The following DLG2 variants were observed in gnomAD, a reference collection of about 807,000 sequenced individuals.
DLG2 encodes disks large homolog 2.
Under a neutral mutation model 132.5 loss-of-function variants are expected in DLG2, and 45 were observed. That is an observed-to-expected ratio of 0.34 (90% confidence interval 0.27 to 0.44). The LOEUF (loss-of-function observed/expected upper bound fraction) is 0.44, where lower values mean the gene tolerates loss of function less well. DLG2 is among the 20% of genes least tolerant of loss of function. DLG2 has a pLI of 1.00. For synonymous variants in DLG2, 424 were observed against 419.6 expected (o/e 1.01, Z -0.13); for missense variants, 1,045 against 1,196.9 (o/e 0.87, Z 1.87).
At chr11:83,484,254 A>G (rs760264099) in intron 21 of DLG2, 26 bp from the exon 22 acceptor site, 5 of 1,526,984 alleles carry the variant, frequency 3.3e-6, no homozygotes, top group Non-Finnish European at 4.5e-6. Flanking sequence ...GGCATGGGGC[A>G]AAAACAGGGG....
intron 10 of DLG2, among the ~76,000 whole-genome samples, chr11:84,081,768 G>A (rs1019114049): frequency 4.6e-5 from 7 of 152,132 alleles, no homozygotes; most frequent in African/African-American, 1.4e-4. Context: ...GAATAGTGCC[G>A]CAATAAACAT....
At chr11:84,871,744 G>C (rs151028176) in intron 6 of DLG2, among the ~76,000 whole-genome samples, 2,162 of 149,880 alleles carry the variant, frequency 0.014, 28 homozygotes, top group Non-Finnish European at 0.023. Context: ...TATTTAATGA[G>C]ACAGAGTCTC....
At chr11:85,027,208 A>G (rs2060610213) in intron 6 of DLG2, among the ~76,000 whole-genome samples, 1 of 122,294 alleles carries the variant, frequency 8.2e-6, no homozygotes, top group African/African-American at 3.2e-5. Flanking sequence ...TTTTTGCTGA[A>G]AGTGCATTTA....
chr11:83,964,190 A>G (rs1172864599), intron 13 of DLG2, among the ~76,000 whole-genome samples: 1 of 151,920 alleles, frequency 6.6e-6, no homozygotes, highest in Non-Finnish European at 1.5e-5. Flanking sequence ...TGTCTTTGAC[A>G]TTGACCTTAT....
At chr11:83,962,168 C>T (rs936883940) in intron 14 of DLG2, among the ~76,000 whole-genome samples, 1 of 151,964 alleles carries the variant, frequency 6.6e-6, no homozygotes, top group African/African-American at 2.4e-5. Context: ...AAATTAAGCA[C>T]ACATATGTAT....
chr11:84,169,449 C>A (rs1246883735), intron 8 of DLG2, among the ~76,000 whole-genome samples: 1 of 152,172 alleles, frequency 6.6e-6, no homozygotes, highest in Non-Finnish European at 1.5e-5. Context: ...ACAAACTTGT[C>A]TTTTTCTATA....
chr11:85,412,760 C>CATATAT (rs200280952), intron 3 of DLG2, among the ~76,000 whole-genome samples: 18 of 113,268 alleles, frequency 1.6e-4, no homozygotes, highest in Middle Eastern at 4.5e-3. Flanking sequence ...CACACACACA[C>CATATAT]ATATATATAT....
At chr11:84,721,125 C>T (rs989724118) in intron 6 of DLG2, among the ~76,000 whole-genome samples, 2 of 152,120 alleles carry the variant, frequency 1.3e-5, no homozygotes, top group Admixed American at 6.5e-5. Context: ...GGTAGAAGAC[C>T]TCCGAGGCCG....
At chr11:84,767,074 T>C (rs536523631) in intron 6 of DLG2, among the ~76,000 whole-genome samples, 1 of 152,176 alleles carries the variant, frequency 6.6e-6, no homozygotes, top group African/African-American at 2.4e-5. Context: ...AGTCTCAGTT[T>C]TCTTATCTTT....
At chr11:85,546,304 G>A (rs1363556434) in intron 3 of DLG2, among the ~76,000 whole-genome samples, 3 of 152,168 alleles carry the variant, frequency 2.0e-5, no homozygotes, top group African/African-American at 7.2e-5. Flanking sequence ...TGTGATTTTT[G>A]AGTGAGTTTC....
chr11:85,626,242 G>A (rs1237909051), intron 2 of DLG2, among the ~76,000 whole-genome samples: 1 of 152,206 alleles, frequency 6.6e-6, no homozygotes, highest in Non-Finnish European at 1.5e-5. Context: ...CCATGAGGAA[G>A]AGCTCCACTG....
chr11:83,927,709 T>A (rs2079241041), intron 15 of DLG2, among the ~76,000 whole-genome samples: 1 of 152,120 alleles, frequency 6.6e-6, no homozygotes, highest in Non-Finnish European at 1.5e-5. Flanking sequence ...TACAGATCAC[T>A]TTGGTTGCAC....
At chr11:84,675,937 C>T (rs1429737889) in intron 6 of DLG2, among the ~76,000 whole-genome samples, 3 of 152,018 alleles carry the variant, frequency 2.0e-5, no homozygotes, top group African/African-American at 7.2e-5. Context: ...TGTGCCTCCT[C>T]TGGGTACCCA....
In DLG2 at chr11:84,784,143, C is replaced by CAAAAAAAAAAAAAAAAAAAA. The variant is rs59301159; in HGVS notation, c.358-249432_358-249413dup. 2.3e-4 allele frequency among the ~76,000 whole-genome samples: 2 copies of CAAAAAAAAAAAAAAAAAAAA among 8,656 alleles called. 1 individual carries two copies. The highest frequency in any genetic ancestry group is 3.8e-4 in the Non-Finnish European group (2 of 5,216). 5.7% of individuals were successfully genotyped at this position (8,656 alleles called of 152,430 possible). A position where few individuals can be genotyped will look rare whatever the true frequency, so the allele number is the denominator to read the frequency against. On this transcript the variant is annotated intron_variant, in intron 6 of 27. Transcript: ENST00000376104. The stretch of plus-strand genomic sequence containing the variant: ...TGAAACCCCATCTCTACTAAAAATG[C>CAAAAAAAAAAAAAAAAAAAA]AAAAAAAAAAAAAAAAAAAAAAAAA...
intron 16 of DLG2, among the ~76,000 whole-genome samples, chr11:83,842,050 T>A (rs192035261): frequency 3.3e-5 from 5 of 152,320 alleles, no homozygotes; most frequent in Middle Eastern, 3.4e-3. Flanking sequence ...GCTATATTCA[T>A]TTATGCAGTT....
At chr11:85,088,788 T>TA (rs1257580878) in intron 6 of DLG2, among the ~76,000 whole-genome samples, 1 of 152,196 alleles carries the variant, frequency 6.6e-6, no homozygotes, top group Non-Finnish European at 1.5e-5. Flanking sequence ...ACCCCTATTT[T>TA]AAGCACTAGA....
At chr11:85,539,400 T>A (rs2075816794) in intron 3 of DLG2, among the ~76,000 whole-genome samples, 3 of 152,220 alleles carry the variant, frequency 2.0e-5, no homozygotes, top group Non-Finnish European at 2.9e-5. Context: ...TTCCTTTGTC[T>A]GTTTTATTTC....
rs1037381038 is a variant in DLG2 at position 84,315,050 on chromosome 11, G to C, written c.520-63759C>G. Reference sequence around the variant, plus strand: ...CCAATAATACAGTACATGTGAATGGGAGGGAAAATGTATAGAAATGCTTAT... The same window carrying C: ...CCAATAATACAGTACATGTGAATGGCAGGGAAAATGTATAGAAATGCTTAT... On this transcript the variant is annotated intron_variant, in intron 7 of 27. Transcript: ENST00000376104. Among the ~76,000 whole-genome samples the C allele has an allele frequency of 2.0e-5, 3 of 152,146 alleles. 1 individual carries two copies. The highest frequency in any genetic ancestry group is 2.0e-4 in the Admixed American group (3 of 15,278).
chr11:84,951,679 T>C (rs1331301522), intron 6 of DLG2, among the ~76,000 whole-genome samples: 2 of 150,232 alleles, frequency 1.3e-5, no homozygotes, highest in African/African-American at 4.9e-5. Context: ...TACACACACA[T>C]ATATATGCAT....
Sources: allele counts gnomAD v4.1 joint callset (sites outside exome capture counted in the v4.1 genomes callset), GRCh38; gene constraint gnomAD v4.1.1; transcripts MANE v1.5; gene names NCBI Gene and HGNC (gene_info 2026-07-23, HGNC 2026-07-21).